CFAP77: variants seen among roughly 807,000 people sequenced by gnomAD.
The protein encoded by CFAP77 is cilia- and flagella-associated protein 77.
CFAP77 carries 25 observed loss-of-function variants against 31.1 expected under a neutral mutation model. The observed-to-expected ratio is 0.80, with a 90% confidence interval of 0.59 to 1.12. CFAP77 has a LOEUF of 1.12. Among genes scored for constraint, CFAP77 ranks in the 50% most tolerant of loss-of-function variants. The probability of loss-of-function intolerance (pLI) is 0.00; values close to 1 mark genes in which losing one functional copy is unlikely to be tolerated. For missense variants in CFAP77, 377 were observed against 397.3 expected (o/e 0.95, Z 0.44); for synonymous variants, 151 against 159.9 (o/e 0.94, Z 0.42).
chr9:132,470,129 A>G (rs1851229327), intron 1 of CFAP77, among the ~76,000 whole-genome samples: 1 of 152,058 alleles, frequency 6.6e-6, no homozygotes, highest in Non-Finnish European at 1.5e-5. Flanking sequence ...GTGAGCCACC[A>G]CACCTGGCCT....
intron 3 of CFAP77, among the ~76,000 whole-genome samples, chr9:132,510,786 G>A (rs1318255598): frequency 2.0e-5 from 3 of 152,178 alleles, no homozygotes; most frequent in Non-Finnish European, 2.9e-5. Flanking sequence ...GCTAGAAACC[G>A]CTGGAGCCTT....
At chr9:132,519,683 A>G (rs542995587) in intron 3 of CFAP77, among the ~76,000 whole-genome samples, 982 of 13,900 alleles carry the variant, frequency 0.071, no homozygotes, top group Middle Eastern at 0.12. Context: ...TGGATGGATG[A>G]GTGGGTGGGT....
At position 132,545,213 on chromosome 9, in the gene CFAP77, A is replaced by G. The variant is rs914158299; in HGVS notation, c.732+2166A>G. On this transcript the variant is annotated intron_variant, in intron 5 of 5. Transcript: ENST00000393216. This position sits in a 1 kb window ranked among gnomAD's most constrained non-coding sequence, Gnocchi z 4.6. ...GTTCTGAAATATGATTATGAACAAT[A>G]GCAAACCAGGAATGATGGCCTCCTG... Among the ~76,000 whole-genome samples the G allele has an allele frequency of 1.3e-5, 2 of 152,252 alleles. No individual in the cohort carries two copies. The highest frequency in any genetic ancestry group is 2.4e-5 in the African/African-American group (1 of 41,462).
intron 1 of CFAP77, among the ~76,000 whole-genome samples, chr9:132,459,530 TGTGA>T (rs1009662727): frequency 2.4e-4 from 36 of 151,834 alleles, no homozygotes; most frequent in Admixed American, 1.2e-3. Context: ...TGGGTGTATG[TGTGA>T]GTGTGTGTAG....
At chr9:132,546,530 C>T (rs1247001790) in intron 5 of CFAP77, among the ~76,000 whole-genome samples, 2 of 152,282 alleles carry the variant, frequency 1.3e-5, no homozygotes, top group Non-Finnish European at 2.9e-5. Context: ...CACTGAAAAG[C>T]AGCAGGCAGG....
At chr9:132,503,674 G>T (rs1353828447) in intron 3 of CFAP77, among the ~76,000 whole-genome samples, 1 of 152,188 alleles carries the variant, frequency 6.6e-6, no homozygotes, top group African/African-American at 2.4e-5. Context: ...GAGGCAGGCA[G>T]AGGTTAACTG....
chr9:132,570,164 C>T (rs1241822793), intron 5 of CFAP77, among the ~76,000 whole-genome samples: 1 of 152,216 alleles, frequency 6.6e-6, no homozygotes, highest in African/African-American at 2.4e-5. Flanking sequence ...TCCTCCTGCA[C>T]ACTGTGCAAG....
In CFAP77 at chr9:132,511,918, G is replaced by C. The variant is rs1329244740; in HGVS notation, c.524+12318G>C. On this transcript the variant is annotated intron_variant, in intron 3 of 5. Coordinates refer to ENST00000393216, the MANE Select transcript of CFAP77 (RefSeq NM_001282957.2). This position sits in a 1 kb window ranked among gnomAD's most constrained non-coding sequence, Gnocchi z 5.8. Reference sequence around the variant, plus strand: ...AAGATACAAAAATTAGCTGGGTGTGGTGGCACACACCTGTCATCTCAGCTT... The same window carrying C: ...AAGATACAAAAATTAGCTGGGTGTGCTGGCACACACCTGTCATCTCAGCTT... 6.6e-6 allele frequency among the ~76,000 whole-genome samples: 1 copy of C among 152,124 alleles called. No homozygotes were observed. The highest frequency in any genetic ancestry group is 1.5e-5 in the Non-Finnish European group (1 of 68,026).
chr9:132,410,729 G>A (rs144656873), intron 1 of CFAP77, among the ~76,000 whole-genome samples: 1,786 of 152,330 alleles, frequency 0.012, 19 homozygotes, highest in Non-Finnish European at 0.019. Context: ...TAATTTCTGC[G>A]GGACCTCGGG....
Position 132,481,076 on chromosome 9 carries a change from A to T in CFAP77, c.196-17619A>T, listed in dbSNP as rs1478733965. 6.6e-6 allele frequency among the ~76,000 whole-genome samples: 1 copy of T among 152,154 alleles called. No individual in the cohort carries two copies. Among genetic ancestry groups the T allele is most frequent in the Admixed American group, 6.5e-5 (1 of 15,280 alleles). ...GCTTTAAAATATCTCCAACAAGCAG[A>T]ATTTTAGCCATTTAGAGCCCACCTG... On this transcript the variant is annotated intron_variant, in intron 1 of 5. Transcript: ENST00000393216. This position sits in a 1 kb window ranked among gnomAD's most constrained non-coding sequence, Gnocchi z 5.0.
chr9:132,438,541 A>ATATGTATTTT, intron 1 of CFAP77, among the ~76,000 whole-genome samples: 2 of 108,154 alleles, frequency 1.8e-5, no homozygotes, highest in African/African-American at 8.1e-5. Context: ...ATATATATAT[A>ATATGTATTTT]TTTTTTTTTT....
intron 1 of CFAP77, among the ~76,000 whole-genome samples, chr9:132,463,573 G>A (rs186234360): frequency 6.6e-6 from 1 of 152,316 alleles, no homozygotes; most frequent in African/African-American, 2.4e-5. Context: ...CAGTAGAGGA[G>A]GGAGCCTGGC....
intron 3 of CFAP77, among the ~76,000 whole-genome samples, chr9:132,534,505 G>A (rs1852511533): frequency 1.3e-5 from 2 of 151,638 alleles, no homozygotes; most frequent in East Asian, 1.9e-4. Context: ...CCAGCTACTC[G>A]GGAGGCTAAG....
chr9:132,503,994 G>A (rs746330882), intron 3 of CFAP77, among the ~76,000 whole-genome samples: 9 of 152,148 alleles, frequency 5.9e-5, no homozygotes, highest in African/African-American at 1.9e-4. Flanking sequence ...AACCAAGATC[G>A]CACCACTGCA....
At chr9:132,472,928 T>A (rs181616877) in intron 1 of CFAP77, among the ~76,000 whole-genome samples, 1 of 152,338 alleles carries the variant, frequency 6.6e-6, no homozygotes, top group East Asian at 1.9e-4. Context: ...AGTTAACACC[T>A]GAGGCACAGA....
In CFAP77 at chr9:132,424,958, C is replaced by G. The variant is rs552815380; in HGVS notation, c.195+14492C>G. On this transcript the variant is annotated intron_variant, in intron 1 of 5. Coordinates refer to ENST00000393216, the MANE Select transcript of CFAP77 (RefSeq NM_001282957.2). The surrounding 1 kb of genome is among the most constrained non-coding windows in gnomAD (Gnocchi z 4.1). Reference sequence around the variant, plus strand: ...AGCGCCAGCAATGAAAAGCACAGTCCCGCTCACCCTCGCAGTTAGTTAGCA... The same window carrying G: ...AGCGCCAGCAATGAAAAGCACAGTCGCGCTCACCCTCGCAGTTAGTTAGCA... 1.1e-4 allele frequency among the ~76,000 whole-genome samples: 17 copies of G among 152,262 alleles called. No homozygotes were observed. Among genetic ancestry groups the G allele is most frequent in the African/African-American group, 4.1e-4 (17 of 41,546 alleles).
intron 3 of CFAP77, among the ~76,000 whole-genome samples, chr9:132,513,999 AG>A (rs1852093516): frequency 7.7e-6 from 1 of 129,228 alleles, no homozygotes; most frequent in Non-Finnish European, 1.7e-5. Flanking sequence ...GGTGACAGTG[AG>A]ATGACCCTTC....
chr9:132,415,808 T>C (rs926690528), intron 1 of CFAP77, among the ~76,000 whole-genome samples: 1 of 152,214 alleles, frequency 6.6e-6, no homozygotes, highest in Non-Finnish European at 1.5e-5. Context: ...TCTATTGCAG[T>C]GGTTTGCAAA....
chr9:132,571,984 G>A (rs908561197), intron 5 of CFAP77, among the ~76,000 whole-genome samples: 1 of 151,926 alleles, frequency 6.6e-6, no homozygotes, highest in Non-Finnish European at 1.5e-5. Flanking sequence ...GAGGAGGGAA[G>A]TGATCTAATT....
Sources: allele counts gnomAD v4.1 joint callset (sites outside exome capture counted in the v4.1 genomes callset), GRCh38; gene constraint gnomAD v4.1.1; non-coding constraint Gnocchi (gnomAD v3.1); transcripts MANE v1.5; gene names NCBI Gene and HGNC (gene_info 2026-07-23, HGNC 2026-07-21).